Variants in GRM8 observed in about 807,000 individuals in gnomAD.
The protein encoded by GRM8 is glutamate metabotropic receptor 8.
A neutral mutation model predicts 87.2 loss-of-function variants in GRM8; 47 were observed. The ratio of observed to expected loss-of-function variants is 0.54; its 90% CI spans 0.43 to 0.69. GRM8 has a LOEUF of 0.69. Ranked by LOEUF, GRM8 falls within the 30% of genes least tolerant of loss-of-function variation. The pLI, the probability that GRM8 is intolerant of heterozygous loss-of-function variation, is 0.00. For synonymous variants in GRM8, 396 were observed against 404.5 expected (o/e 0.98, Z 0.25); for missense variants, 1,019 against 1,139.2 (o/e 0.89, Z 1.52).
chr7:126,722,540 CTG>C (rs1812498017), intron 7 of GRM8, among the ~76,000 whole-genome samples: 1 of 152,138 alleles, frequency 6.6e-6, no homozygotes, highest in Non-Finnish European at 1.5e-5. Flanking sequence ...ATTTATGTCA[CTG>C]TGTAGCTTAA....
In GRM8 at chr7:126,677,276, T is replaced by C. The variant is rs948098556; in HGVS notation, c.1358-67778A>G. Among the ~76,000 whole-genome samples the C allele has an allele frequency of 4.7e-5, 7 of 150,112 alleles. No homozygotes were observed. In the South Asian group the frequency reaches 6.3e-4, roughly 13 times the overall value. On this transcript the variant is annotated intron_variant, in intron 7 of 10. Transcript: ENST00000339582. ...GGAATATAAACTAGTACAGCCTCTA[T>C]AGAAAATAGCACGGAAATTTCTCAA...
At chr7:127,172,025 CA>C (rs34801406) in intron 2 of GRM8, among the ~76,000 whole-genome samples, 29,713 of 144,188 alleles carry the variant, frequency 0.21, 3,331 homozygotes, top group Middle Eastern at 0.32. Flanking sequence ...ATATTACTTG[CA>C]AAAAAAAAAG....
At chr7:126,779,931 G>A (rs1227476631) in intron 6 of GRM8, among the ~76,000 whole-genome samples, 2 of 152,094 alleles carry the variant, frequency 1.3e-5, no homozygotes, top group African/African-American at 2.4e-5. Context: ...TCATAAAATA[G>A]GAATTTATGA....
chr7:126,550,162 T>A (rs996760529), intron 8 of GRM8, among the ~76,000 whole-genome samples: 5 of 152,092 alleles, frequency 3.3e-5, no homozygotes, highest in African/African-American at 1.2e-4. Flanking sequence ...GTCCCCAGGC[T>A]GGAGTGCAGT....
At chr7:126,629,612 AT>A (rs1396593637) in intron 7 of GRM8, among the ~76,000 whole-genome samples, 3 of 152,148 alleles carry the variant, frequency 2.0e-5, no homozygotes, top group South Asian at 2.1e-4. Flanking sequence ...AATAAAAAAA[AT>A]ATCAAACTAG....
chr7:126,788,456 T>C (rs1820923302), intron 6 of GRM8, among the ~76,000 whole-genome samples: 1 of 122,340 alleles, frequency 8.2e-6, no homozygotes, highest in Non-Finnish European at 1.8e-5. Flanking sequence ...TTATGCCTTG[T>C]TCACTCAAAA....
rs17868689 is a variant in GRM8 at position 126,955,197 on chromosome 7, C to T, written c.728-50514G>A. ...TTTAAAAAAGGAATGACAGTGACCT[C>T]TAGTAAAATATTTCTGTCTAGAGGC... On this transcript the variant is annotated intron_variant, in intron 3 of 10. Coordinates refer to ENST00000339582, the MANE Select transcript of GRM8 (RefSeq NM_000845.3). Among the ~76,000 whole-genome samples the T allele has an allele frequency of 9.4e-3, 1,437 of 152,218 alleles. 28 individuals are homozygous for T. The highest frequency in any genetic ancestry group is 0.033 in the African/African-American group (1,366 of 41,540).
chr7:127,201,504 G>T (rs1563574935), intron 2 of GRM8, among the ~76,000 whole-genome samples: 1 of 152,122 alleles, frequency 6.6e-6, no homozygotes, highest in South Asian at 2.1e-4. Flanking sequence ...AATATGTTTG[G>T]TGGTTGAAAG....
At chr7:127,111,505 T>C (rs995587229) in intron 2 of GRM8, among the ~76,000 whole-genome samples, 1 of 152,094 alleles carries the variant, frequency 6.6e-6, no homozygotes, top group Non-Finnish European at 1.5e-5. Flanking sequence ...AGGCATGCCT[T>C]TTTCATGATC....
intron 6 of GRM8, among the ~76,000 whole-genome samples, chr7:126,799,326 C>T (rs753319710): frequency 5.3e-5 from 8 of 152,054 alleles, no homozygotes; most frequent in Non-Finnish European, 1.2e-4. Context: ...GCTCAGGAAT[C>T]TCCATTTTCA....
chr7:126,703,255 G>A (rs1361558489), intron 7 of GRM8, among the ~76,000 whole-genome samples: 1 of 152,156 alleles, frequency 6.6e-6, no homozygotes, highest in Non-Finnish European at 1.5e-5. Context: ...TAAATTCTTG[G>A]CTTTCAGCTA....
chr7:126,923,784 A>G (rs1416260748), intron 3 of GRM8, among the ~76,000 whole-genome samples: 1 of 152,118 alleles, frequency 6.6e-6, no homozygotes, highest in Non-Finnish European at 1.5e-5. Flanking sequence ...GAAATATATC[A>G]GTGGCTGTCT....
At chr7:127,104,450 G>A (rs1258608352) in intron 3 of GRM8, among the ~76,000 whole-genome samples, 1 of 152,090 alleles carries the variant, frequency 6.6e-6, no homozygotes, top group Non-Finnish European at 1.5e-5. Context: ...TTAATTTTCA[G>A]CTATTTTTGT....
intron 6 of GRM8, among the ~76,000 whole-genome samples, chr7:126,894,207 G>A (rs1366337820): frequency 6.6e-6 from 1 of 152,016 alleles, no homozygotes; most frequent in Non-Finnish European, 1.5e-5. Flanking sequence ...GCCATTTAAA[G>A]GAAGACAATT....
Position 126,853,047 on chromosome 7 carries a change from T to G in GRM8, c.1156+49495A>C, listed in dbSNP as rs553237968. Among the ~76,000 whole-genome samples, 5 of 152,312 alleles carry G rather than the reference T, an allele frequency of 3.3e-5. No individual in the cohort carries two copies. In the East Asian group the frequency reaches 9.6e-4, roughly 29 times the overall value. The stretch of plus-strand genomic sequence containing the variant: ...TCAGAGAAAACAATTTTGTGATGGA[T>G]GGAATGTTTCATAAATATAGGCCAC... On this transcript the variant is annotated intron_variant, in intron 6 of 10. Transcript: ENST00000339582.
intron 6 of GRM8, among the ~76,000 whole-genome samples, chr7:126,881,201 A>G (rs1319889234): frequency 6.6e-6 from 1 of 152,214 alleles, no homozygotes; most frequent in East Asian, 1.9e-4. Flanking sequence ...TAAATTGTAG[A>G]CAGACTTAAG....
chr7:126,975,582 G>A (rs1256272664), intron 3 of GRM8, among the ~76,000 whole-genome samples: 1 of 152,146 alleles, frequency 6.6e-6, no homozygotes, highest in Non-Finnish European at 1.5e-5. Context: ...GGATGAAGGT[G>A]GGGAAGGCAT....
At chr7:126,553,594 A>G (rs1408591337) in intron 8 of GRM8, among the ~76,000 whole-genome samples, 7 of 152,196 alleles carry the variant, frequency 4.6e-5, no homozygotes, top group East Asian at 1.9e-4. Flanking sequence ...CCGTCTCCCA[A>G]TGCATAACAT....
At chr7:126,634,655 G>A (rs1197084656) in intron 7 of GRM8, among the ~76,000 whole-genome samples, 1 of 142,220 alleles carries the variant, frequency 7.0e-6, no homozygotes, top group Non-Finnish European at 1.6e-5. Context: ...TCTCCCCCTG[G>A]CCTTCCTGCC....
Sources: allele counts gnomAD v4.1 joint callset (sites outside exome capture counted in the v4.1 genomes callset), GRCh38; gene constraint gnomAD v4.1.1; transcripts MANE v1.5; gene names NCBI Gene and HGNC (gene_info 2026-07-23, HGNC 2026-07-21).